RBFOX1: variants seen among roughly 807,000 people sequenced by gnomAD.
RBFOX1 encodes the protein RNA binding fox-1 homolog 1, also known as RNA binding protein fox-1 homolog 1.
Under a neutral mutation model 57.7 loss-of-function variants are expected in RBFOX1, and 8 were observed. The ratio of observed to expected loss-of-function variants is 0.14; its 90% confidence interval spans 0.08 to 0.25. The LOEUF is 0.25. Among genes scored for constraint, RBFOX1 ranks in the 10% least tolerant of loss-of-function variants. The pLI, the probability that RBFOX1 is intolerant of heterozygous loss-of-function variation, is 1.00. For missense variants in RBFOX1, 611 were observed against 548.5 expected (o/e 1.11, Z -1.14); for synonymous variants, 326 against 222.4 (o/e 1.47, Z -4.15).
At chr16:6,659,316 A>T (rs1405092728) in intron 3 of RBFOX1, among the ~76,000 whole-genome samples, 1 of 152,118 alleles carries the variant, frequency 6.6e-6, no homozygotes, top group East Asian at 1.9e-4. Flanking sequence ...CAGATCTGCT[A>T]TAAAATTGCA....
intron 3 of RBFOX1, among the ~76,000 whole-genome samples, chr16:6,863,989 CT>C (rs58541296): frequency 0.21 from 26,459 of 125,048 alleles, 1,959 homozygotes; most frequent in African/African-American, 0.28. Flanking sequence ...CTTTATGTTC[CT>C]TTTTTTTTTT....
At chr16:6,901,491 C>G (rs780062643) in intron 3 of RBFOX1, among the ~76,000 whole-genome samples, 18 of 152,186 alleles carry the variant, frequency 1.2e-4, no homozygotes, top group Admixed American at 8.5e-4. Flanking sequence ...TAGCCCATGA[C>G]TCTCGACCTG....
intron 3 of RBFOX1, among the ~76,000 whole-genome samples, chr16:6,819,337 A>C (rs1350238790): frequency 2.0e-5 from 3 of 152,186 alleles, no homozygotes; most frequent in Non-Finnish European, 4.4e-5. Context: ...TAGATGAATA[A>C]ATAATATTGG....
At chr16:6,297,163 G>C (rs896335705) in intron 1 of RBFOX1, among the ~76,000 whole-genome samples, 1 of 152,060 alleles carries the variant, frequency 6.6e-6, no homozygotes, top group African/African-American at 2.4e-5. Flanking sequence ...TCTTCGTTTT[G>C]GTAGGTTTTG....
chr16:6,137,213 T>G (rs1249815970), intron 1 of RBFOX1, among the ~76,000 whole-genome samples: 1 of 152,248 alleles, frequency 6.6e-6, no homozygotes, highest in Admixed American at 6.5e-5. Flanking sequence ...TGGTGGTAAG[T>G]TGATAAAGAT....
At chr16:5,960,087 G>T (rs976769515) in intron 4 of RBFOX1, among the ~76,000 whole-genome samples, 1 of 152,086 alleles carries the variant, frequency 6.6e-6, no homozygotes, top group Admixed American at 6.5e-5. Context: ...TGTAATCCCA[G>T]CTACTTAGGA....
intron 4 of RBFOX1, among the ~76,000 whole-genome samples, chr16:7,188,604 G>A (rs1464104830): frequency 6.6e-6 from 1 of 152,140 alleles, no homozygotes; most frequent in African/African-American, 2.4e-5. Context: ...AGTGGTTTAT[G>A]CTGCAGACTT....
At chr16:6,768,364 A>G (rs2077715526) in intron 3 of RBFOX1, among the ~76,000 whole-genome samples, 1 of 151,948 alleles carries the variant, frequency 6.6e-6, no homozygotes, top group African/African-American at 2.4e-5. Context: ...TCTAGGGTAG[A>G]TGGTGTAGTT....
intron 1 of RBFOX1, among the ~76,000 whole-genome samples, chr16:5,390,862 C>T (rs1468467905): frequency 6.6e-6 from 1 of 152,270 alleles, no homozygotes; most frequent in East Asian, 1.9e-4. Flanking sequence ...ATCTTGTCAC[C>T]ATAAGGGAAA....
intron 1 of RBFOX1, among the ~76,000 whole-genome samples, chr16:5,262,208 G>A (rs927890490): frequency 1.6e-4 from 24 of 152,216 alleles, no homozygotes; most frequent in Non-Finnish European, 2.9e-4. Context: ...CGGGGAGAGA[G>A]TAGAAGCAAG....
At chr16:5,619,012 A>G (rs2048127641) in intron 3 of RBFOX1, among the ~76,000 whole-genome samples, 3 of 152,180 alleles carry the variant, frequency 2.0e-5, no homozygotes, top group East Asian at 1.9e-4. Context: ...AGGCCAGGCT[A>G]TTTAGGAGGA....
intron 1 of RBFOX1, among the ~76,000 whole-genome samples, chr16:5,376,479 G>C (rs182285622): frequency 6.6e-6 from 1 of 152,140 alleles, no homozygotes; most frequent in Non-Finnish European, 1.5e-5. Context: ...GACAGGAGAA[G>C]GGTTAGGGAT....
intron 1 of RBFOX1, among the ~76,000 whole-genome samples, chr16:6,249,132 C>G (rs948835895): frequency 6.6e-6 from 1 of 152,004 alleles, no homozygotes; most frequent in African/African-American, 2.4e-5. Context: ...TACTCAAGAT[C>G]GTTAAGAAAG....
chr16:6,749,201 G>A (rs58258179), intron 3 of RBFOX1, among the ~76,000 whole-genome samples: 16,019 of 152,222 alleles, frequency 0.11, 1,144 homozygotes, highest in African/African-American at 0.2. Context: ...CTGCTCTGCT[G>A]TGCATTCCAG....
chr16:5,345,476 A>T (rs190229433), intron 1 of RBFOX1, among the ~76,000 whole-genome samples: 2 of 152,342 alleles, frequency 1.3e-5, no homozygotes, highest in African/African-American at 4.8e-5. Context: ...TCAGTGGTCA[A>T]AATGAACTGC....
At chr16:6,867,052 A>C (rs1022935413) in intron 3 of RBFOX1, among the ~76,000 whole-genome samples, 1 of 151,044 alleles carries the variant, frequency 6.6e-6, no homozygotes, top group East Asian at 2.0e-4. Context: ...TCTTGCTATT[A>C]TTATGAGTTT....
intron 4 of RBFOX1, among the ~76,000 whole-genome samples, chr16:7,502,376 T>C (rs866393656): frequency 9.2e-5 from 14 of 152,200 alleles, no homozygotes; most frequent in African/African-American, 2.9e-4. Context: ...GAAAATCGAA[T>C]AATTAAAAAT....
chr16:6,264,679 C>G (rs1265268476), intron 1 of RBFOX1, among the ~76,000 whole-genome samples: 1 of 152,206 alleles, frequency 6.6e-6, no homozygotes, highest in Non-Finnish European at 1.5e-5. Flanking sequence ...ATCCGGATCA[C>G]TGGATAGAAG....
rs567652424 is a variant in RBFOX1 at position 6,801,169 on chromosome 16, T to G, written c.-16+146519T>G. Reference sequence around the variant, plus strand: ...GTGATGTTGATGTCTTGGAACACACTGTGAATGGCAAGAATCAAGATTGAA... The same window carrying G: ...GTGATGTTGATGTCTTGGAACACACGGTGAATGGCAAGAATCAAGATTGAA... On this transcript the variant is annotated intron_variant, in intron 3 of 15. Transcript: ENST00000550418. Among the ~76,000 whole-genome samples the G allele has an allele frequency of 4.2e-4, 61 of 146,262 alleles. 1 individual carries two copies. Among genetic ancestry groups the G allele is most frequent in the African/African-American group, 1.5e-3 (60 of 39,094 alleles).
Sources: gnomAD v4.1 joint callset for allele counts (sites outside exome capture counted in the v4.1 genomes callset) on GRCh38, gnomAD v4.1.1 for gene constraint, MANE v1.5 for transcripts, NCBI Gene and HGNC (gene_info 2026-07-23, HGNC 2026-07-21) for gene names.